The following RSAD1 variants were observed in gnomAD, a reference collection of about 807,000 sequenced individuals.
RSAD1 encodes the protein radical S-adenosyl methionine domain-containing protein 1, mitochondrial.
A neutral mutation model predicts 46.2 loss-of-function variants in RSAD1; 34 were observed. The ratio of observed to expected loss-of-function variants is 0.74; its 90% CI spans 0.56 to 0.98. The LOEUF (loss-of-function observed/expected upper bound fraction) is 0.98, where lower values mean the gene tolerates loss of function less well. Ranked by LOEUF, RSAD1 falls within the 50% of genes least tolerant of loss-of-function variation. The pLI, the probability that RSAD1 is intolerant of heterozygous loss-of-function variation, is 0.00. For synonymous variants in RSAD1, 260 were observed against 253.5 expected (o/e 1.03, Z -0.24); for missense variants, 635 against 592.3 (o/e 1.07, Z -0.75).
chr17:50,479,864 CATT>C lies in RSAD1; in HGVS notation c.270-15_270-13del. 1 of 1,606,040 alleles carries C rather than the reference CATT, an allele frequency of 6.2e-7. No individual in the cohort carries two copies. Among genetic ancestry groups the C allele is most frequent in the Non-Finnish European group, 8.5e-7 (1 of 1,174,966 alleles). ...AGGGCTCCCCCAGGTCTCATTTCTC[CATT>C]CTCTTTCCCCAGGGTGGAGTCTGTG... On this transcript the variant is annotated splice_polypyrimidine_tract_variant and intron_variant, in intron 2 of 8. Transcript: ENST00000258955.
At chr17:50,482,495 C>A (rs752717940) in intron 4 of RSAD1, 39 bp downstream of exon 4, 2 of 1,603,222 alleles carry the variant, frequency 1.2e-6, no homozygotes, top group Admixed American at 3.4e-5. Context: ...GGAGGATGGG[C>A]AGACTGCAGT....
Position 50,482,635 on chromosome 17 carries a change from C to T in RSAD1, c.841-8C>T, listed in dbSNP as rs1196293402. 3.1e-6 allele frequency: 5 copies of T among 1,614,014 alleles called. No individual in the cohort carries two copies. The highest frequency in any genetic ancestry group is 4.2e-6 in the Non-Finnish European group (5 of 1,180,016). On this transcript the variant is annotated splice_polypyrimidine_tract_variant and splice_region_variant and intron_variant, in intron 4 of 8. Coordinates refer to ENST00000258955, the MANE Select transcript of RSAD1 (RefSeq NM_018346.3). ...CTTCACTCTGCACTATTTCCTCCCT[C>T]CCCGCAGGGGGCGCTCAGTACCCAC...
In RSAD1 at chr17:50,482,379, G is replaced by A. The variant is rs776061063; in HGVS notation, c.763G>A (p.Glu255Lys). Residue 255 changes from glutamate to lysine, a missense_variant, in exon 4 of 9, where the codon GAG becomes AAG. Coordinates refer to ENST00000258955, the MANE Select transcript of RSAD1 (RefSeq NM_018346.3). ...AGCCCCTGACCCGGAGCTCGCAGCT[G>A]AGATGTACCAGAGGGGCCGGGCTGT... The part of the protein sequence containing the change: ...LPAPDPELAA[E>K]MYQRGRAVLR... 1.2e-6 allele frequency: 2 copies of A among 1,608,258 alleles called. No homozygotes were observed. Among genetic ancestry groups the A allele is most frequent in the East Asian group, 2.2e-5 (1 of 44,856 alleles).
In RSAD1 at chr17:50,484,443, A is replaced by T. The variant is rs1181092755; in HGVS notation, c.1109A>T (p.His370Leu). 6 of 1,613,308 alleles carry T rather than the reference A, an allele frequency of 3.7e-6. No individual in the cohort carries two copies. In the South Asian group the frequency reaches 4.4e-5, roughly 12 times the overall value. ...CCTCTGACCCTCTGGCTTCCCCAGC[A>T]CTGGCAGCAGTTTGAGCCCCAGCTG... ...LRTDVGITHQ[H>L]WQQFEPQLTL... Residue 370 changes from histidine (H) to leucine (L), a missense_variant and splice_region_variant, in exon 8 of 9, where the codon CAC (histidine) becomes CTC (leucine). Transcript: ENST00000258955.
intron 3 of RSAD1, 185 bp downstream of exon 3, chr17:50,480,269 T>G (rs1734737134): frequency 1.6e-6 from 1 of 628,494 alleles, no homozygotes; most frequent in Non-Finnish European, 2.8e-6. Flanking sequence ...CCACAGACTT[T>G]ATGAGAAAGG....
At chr17:50,484,147 G>T in intron 7 of RSAD1, 1 of 466,784 alleles carries the variant, frequency 2.1e-6, no homozygotes, top group South Asian at 3.1e-5. Context: ...ATCCAGAGCT[G>T]CTCTGGATAA....
Position 50,483,337 on chromosome 17 carries a change from CAG to C in RSAD1, c.905-2_905-1del. ...ATGTGGGGATGGTTGTTGATGTTGT[CAG>C]GGGCCCATGGACGATTTATGCCCCA... On this transcript the variant is annotated splice_acceptor_variant, in intron 5 of 8. Transcript: ENST00000258955. LOFTEE classifies it high-confidence loss of function. 1.9e-6 allele frequency: 3 copies of C among 1,613,272 alleles called. No individual in the cohort carries two copies. The highest frequency in any genetic ancestry group is 1.1e-5 in the South Asian group (1 of 90,990).
chr17:50,481,980 C>A, intron 3 of RSAD1, 111 bp from the exon 4 acceptor site: 1 of 1,318,714 alleles, frequency 7.6e-7, no homozygotes, highest in Non-Finnish European at 1.0e-6. Flanking sequence ...TCCTGCCTTC[C>A]AGCTGCCTGC....
chr17:50,479,593 C>T, intron 1 of RSAD1, 36 bp from the exon 2 acceptor site: 1 of 1,611,836 alleles, frequency 6.2e-7, no homozygotes, highest in Admixed American at 1.7e-5. Context: ...GTGGCCAGGG[C>T]AGCTCTCACC....
intron 1 of RSAD1, 169 bp downstream of exon 1, chr17:50,479,188 C>G (rs2033348051): frequency 2.8e-6 from 2 of 722,700 alleles, no homozygotes; most frequent in Admixed American, 3.9e-5. Context: ...AGGGAAATGA[C>G]TTGGTCCAGA....
At chr17:50,483,669 C>T in intron 6 of RSAD1, 37 bp from the exon 7 acceptor site, 2 of 1,608,048 alleles carry the variant, frequency 1.2e-6, no homozygotes, top group Non-Finnish European at 1.7e-6. Flanking sequence ...GGAGCACAGG[C>T]CTCCTCTCTA....
chr17:50,481,429 G>A (rs1390749070), intron 3 of RSAD1, among the ~76,000 whole-genome samples: 1 of 152,184 alleles, frequency 6.6e-6, no homozygotes, highest in Non-Finnish European at 1.5e-5. Flanking sequence ...CAATATAGTG[G>A]CCACTAGCCA....
At position 50,484,391 on chromosome 17, in the gene RSAD1, G is replaced by T. The variant is rs566674114; in HGVS notation, c.1108-51G>T. The stretch of plus-strand genomic sequence containing the variant: ...CCTCTCACCATACCCCAACTATGTG[G>T]CCCAGAGTAGCCAGGCCAGCTCCCC... On this transcript the variant is annotated intron_variant, in intron 7 of 8. Transcript: ENST00000258955. 5.6e-5 allele frequency: 86 copies of T among 1,542,750 alleles called. No individual in the cohort carries two copies. The East Asian group carries it at 1.9e-3, about 34-fold the overall frequency.
In RSAD1 at chr17:50,482,112, CG is replaced by C; in HGVS notation, c.498del (p.Leu167CysfsTer28). On this transcript the variant is annotated frameshift_variant, in exon 4 of 9. Coordinates refer to ENST00000258955, the MANE Select transcript of RSAD1 (RefSeq NM_018346.3). LOFTEE classifies it high-confidence loss of function. ...CCAGTCCCTAGATGACACTGAGCTC[CG>C]GCTGTTGGGACGGACGCACTCGGCC... The part of the protein sequence containing the change: ...GLQSLDDTEL[R>X]LLGRTHSACD... 1 of 1,578,754 alleles carries C rather than the reference CG, an allele frequency of 6.3e-7. No individual in the cohort carries two copies. Among genetic ancestry groups the C allele is most frequent in the Non-Finnish European group, 8.6e-7 (1 of 1,159,512 alleles).
chr17:50,484,591 A>G (rs755056770), intron 8 of RSAD1, 46 bp downstream of exon 8: 13 of 1,584,880 alleles, frequency 8.2e-6, no homozygotes, highest in Non-Finnish European at 8.7e-7. Context: ...CATACCAGGG[A>G]GCCCTGACTA....
At chr17:50,479,476 C>T in intron 1 of RSAD1, 153 bp from the exon 2 acceptor site, 1 of 880,032 alleles carries the variant, frequency 1.1e-6, no homozygotes, top group Non-Finnish European at 1.7e-6. Context: ...AACCCCAGTG[C>T]GACCTGCCTT....
rs753172065 is a variant in RSAD1, at chr17:50,483,380, C to T, written c.945C>T (p.His315=). ...GRFMPQGAGG[H]TREARIQTLE... is the part of the protein sequence containing the mutation. ...TTATGCCCCAGGGGGCTGGAGGCCA[C>T]ACCCGGGAGGCTCGGATCCAGACAC... The change falls in exon 6 of 9, where the codon CAC becomes CAT. Residue 315 remains histidine (H), a synonymous_variant. Coordinates refer to ENST00000258955, the MANE Select transcript of RSAD1 (RefSeq NM_018346.3). The T allele has an allele frequency of 4.3e-6, 7 of 1,613,942 alleles. No individual in the cohort carries two copies. In the East Asian group the frequency reaches 1.3e-4, roughly 31 times the overall value.
At chr17:50,479,571 T>A in intron 1 of RSAD1, 58 bp from the exon 2 acceptor site, 1 of 1,607,260 alleles carries the variant, frequency 6.2e-7, no homozygotes, top group Non-Finnish European at 8.5e-7. Context: ...TGTGTGCGAC[T>A]GAACCCTGGA....
At position 50,478,925 on chromosome 17, in the gene RSAD1, C is replaced by A; in HGVS notation, c.41C>A (p.Ala14Glu). 7.4e-7 allele frequency: 1 copy of A among 1,346,790 alleles called. No homozygotes were observed. Among genetic ancestry groups the A allele is most frequent in the South Asian group, 1.9e-5 (1 of 51,554 alleles). The allele number at this position is 1,346,790 out of a possible 1,614,324, so 83.4% of individuals were successfully genotyped here. The stretch of plus-strand genomic sequence containing the variant: ...GCCCGGGCTCGCGGCTGGGCGGCAG[C>A]AGCCAGAGCGGCCCAGAGGCGCCGC... ...PGARARGWAA[A>E]ARAAQRRRRV... Residue 14 changes from alanine (A) to glutamate (E), a missense_variant, in exon 1 of 9, where the codon GCA becomes GAA. Ala to Glu is a moderately radical substitution (Grantham distance 107, BLOSUM62 -1). Transcript: ENST00000258955.
Sources: allele counts gnomAD v4.1 joint callset (sites outside exome capture counted in the v4.1 genomes callset), GRCh38; gene constraint gnomAD v4.1.1; transcripts MANE v1.5; gene names NCBI Gene and HGNC (gene_info 2026-07-23, HGNC 2026-07-21).